The following PCDHGA8 variants were observed in gnomAD, a reference collection of about 807,000 sequenced individuals.
PCDHGA8 encodes the protein protocadherin gamma subfamily A, 8, also known as protocadherin gamma-A8.
In PCDHGA8, 45 loss-of-function variants were observed where a neutral mutation model predicts 59.2. The ratio of observed to expected loss-of-function variants is 0.76; its 90% CI spans 0.60 to 0.98. The LOEUF is 0.98. Among genes scored for constraint, PCDHGA8 ranks in the 50% least tolerant of loss-of-function variants. The probability of loss-of-function intolerance (pLI) is 0.00; values close to 1 mark genes in which losing one functional copy is unlikely to be tolerated. For synonymous variants in PCDHGA8, 531 were observed against 519.0 expected, an observed-to-expected ratio of 1.02 and a Z score of -0.32; for missense variants, 1,257 against 1,196.2, an observed-to-expected ratio of 1.05 and a Z score of -0.75.
Position 141,422,144 on chromosome 5 carries a change from G to A in PCDHGA8, c.2424+26907G>A, listed in dbSNP as rs748208921. On this transcript the variant is annotated intron_variant, in intron 1 of 3. Transcript: ENST00000398604. Reference sequence around the variant, plus strand: ...CAAACTGGAGAAGTTCAAGTACGGGGGTCTCTGGATTTTGAAAAATATAGA... The same window carrying A: ...CAAACTGGAGAAGTTCAAGTACGGGAGTCTCTGGATTTTGAAAAATATAGA... 1.9e-6 allele frequency: 3 copies of A among 1,583,402 alleles called. No individual in the cohort carries two copies. In the African/African-American group the frequency reaches 4.1e-5, roughly 22 times the overall value.
intron 1 of PCDHGA8, among the ~76,000 whole-genome samples, chr5:141,458,829 C>T (rs2098954599): frequency 6.6e-6 from 1 of 152,108 alleles, no homozygotes; most frequent in Non-Finnish European, 1.5e-5. Context: ...GCCTCCCAGG[C>T]TCAAGTGATC....
Position 141,400,379 on chromosome 5 carries a change from G to C in PCDHGA8, c.2424+5142G>C, listed in dbSNP as rs759135733. 3 of 1,613,922 alleles carry C rather than the reference G, an allele frequency of 1.9e-6. No homozygotes were observed. The East Asian group carries it at 6.7e-5, about 36-fold the overall frequency. ...ACTTTGCCTTATTCCTACAACCTAT[G>C]TGTTGCACATACAGGAAAGACGGAG... On this transcript the variant is annotated intron_variant, in intron 1 of 3. Coordinates refer to ENST00000398604, the MANE Select transcript of PCDHGA8 (RefSeq NM_032088.2).
In PCDHGA8 at chr5:141,408,707, G is replaced by A. The variant is rs899200128; in HGVS notation, c.2424+13470G>A. On this transcript the variant is annotated intron_variant, in intron 1 of 3. Coordinates refer to ENST00000398604, the MANE Select transcript of PCDHGA8 (RefSeq NM_032088.2). ...TGATATAAACATAAACTCAATTAAAGATTATAAGATAAACTCTAATCCTTA... is the reference window on the plus strand; with the variant it reads ...TGATATAAACATAAACTCAATTAAAAATTATAAGATAAACTCTAATCCTTA... 1.9e-6 allele frequency: 3 copies of A among 1,612,764 alleles called. No homozygotes were observed. In the African/African-American group the frequency reaches 4.0e-5, roughly 22 times the overall value.
chr5:141,415,906 A>G, intron 1 of PCDHGA8: 1 of 784,990 alleles, frequency 1.3e-6, no homozygotes, highest in Non-Finnish European at 1.8e-6. Context: ...ACAGACTTCC[A>G]TACAGAAGTG....
chr5:141,418,273 A>G (rs1440274831), intron 1 of PCDHGA8: 2 of 1,614,082 alleles, frequency 1.2e-6, no homozygotes, highest in Non-Finnish European at 8.5e-7. Flanking sequence ...AAGATGAAAT[A>G]AACTTAGAAA....
At position 141,473,164 on chromosome 5, in the gene PCDHGA8, G is replaced by A. The variant is rs190029663; in HGVS notation, c.2425-21643G>A. Among the ~76,000 whole-genome samples the A allele has an allele frequency of 1.6e-3, 241 of 152,250 alleles. 5 individuals carry two copies. The highest frequency in any genetic ancestry group is 2.1e-4 in the Non-Finnish European group (14 of 68,014). ...TCTTCAGATCACTAGGGCTAGGAAG[G>A]CCCACTGGTAACTTGAAGGAGTAAA... On this transcript the variant is annotated intron_variant, in intron 1 of 3. Transcript: ENST00000398604.
At chr5:141,498,248 G>A (rs1484987588) in intron 2 of PCDHGA8, among the ~76,000 whole-genome samples, 2 of 152,208 alleles carry the variant, frequency 1.3e-5, no homozygotes, top group Non-Finnish European at 2.9e-5. Flanking sequence ...CTTCAAAGCA[G>A]GGCTGGTGTT....
chr5:141,410,629 C>A (rs1393614526), intron 1 of PCDHGA8: 1 of 1,601,482 alleles, frequency 6.2e-7, no homozygotes, highest in East Asian at 2.2e-5. Context: ...CGGTGAGTTT[C>A]TCTTTTTTGT....
chr5:141,441,310 C>T (rs2098239133), intron 1 of PCDHGA8: 1 of 152,154 alleles, frequency 6.6e-6, no homozygotes, highest in Non-Finnish European at 1.5e-5. Context: ...AGAAAATGCA[C>T]CTTGAGAAAA....
chr5:141,425,528 C>T (rs2096881702), intron 1 of PCDHGA8, among the ~76,000 whole-genome samples: 1 of 152,200 alleles, frequency 6.6e-6, no homozygotes, highest in African/African-American at 2.4e-5. Context: ...AAACATGAAA[C>T]AATAATCCTT....
rs1450931785 is a variant in PCDHGA8, at chr5:141,394,500, C to A, written c.1687C>A (p.Leu563Met). The stretch of plus-strand genomic sequence containing the variant: ...CCAGAATGACAACGCGCCCGAGATC[C>A]TGTACCCCGCCCTCCCCACAGACGG... ...LDQNDNAPEI[L>M]YPALPTDGST... The change falls in exon 1 of 4, where the codon CTG (leucine) becomes ATG (methionine). Residue 563 changes from leucine (L) to methionine (M), a missense_variant. Transcript: ENST00000398604. 3.7e-6 allele frequency: 6 copies of A among 1,614,124 alleles called. No homozygotes were observed. The highest frequency in any genetic ancestry group is 5.1e-6 in the Non-Finnish European group (6 of 1,180,052).
At position 141,487,565 on chromosome 5, in the gene PCDHGA8, G is replaced by A. The variant is rs1473034794; in HGVS notation, c.2425-7242G>A. ...GTCACCCAGTGCACCTATGGCAGGGGAGCCTGTTCGCCCAAGCTGCCCACC... is the reference window on the plus strand; with the variant it reads ...GTCACCCAGTGCACCTATGGCAGGGAAGCCTGTTCGCCCAAGCTGCCCACC... On this transcript the variant is annotated intron_variant, in intron 1 of 3. Transcript: ENST00000398604. This position sits in a 1 kb window ranked among gnomAD's most constrained non-coding sequence, Gnocchi z 5.0. The A allele has an allele frequency of 6.2e-7, 1 of 1,614,164 alleles. No individual in the cohort carries two copies. Among genetic ancestry groups the A allele is most frequent in the East Asian group, 2.2e-5 (1 of 44,856 alleles).
chr5:141,451,797 C>T (rs1207473455), intron 1 of PCDHGA8, among the ~76,000 whole-genome samples: 1 of 152,006 alleles, frequency 6.6e-6, no homozygotes, highest in African/African-American at 2.4e-5. Context: ...CAGAGAATTG[C>T]TTGAACCCAG....
At chr5:141,501,290 TACAC>T (rs55762287) in intron 2 of PCDHGA8, among the ~76,000 whole-genome samples, 45,565 of 135,778 alleles carry the variant, frequency 0.34, 7,845 homozygotes, top group Non-Finnish European at 0.42. Flanking sequence ...TATTCCCTTA[TACAC>T]ACACACACAC....
In PCDHGA8 at chr5:141,394,519, C is replaced by A. The variant is rs1462431722; in HGVS notation, c.1706C>A (p.Thr569Lys). The A allele has an allele frequency of 6.2e-7, 1 of 1,614,240 alleles. No individual in the cohort carries two copies. The highest frequency in any genetic ancestry group is 1.1e-5 in the South Asian group (1 of 91,092). ...APEILYPALP[T>K]DGSTGVELAP... ...GAGATCCTGTACCCCGCCCTCCCCA[C>A]AGACGGTTCCACTGGCGTGGAGCTG... The change falls in exon 1 of 4, where the codon ACA becomes AAA. Residue 569 changes from threonine to lysine, a missense_variant. By Grantham distance (78) the Thr-to-Lys change is moderately conservative. Transcript: ENST00000398604.
chr5:141,462,372 C>A (rs2099038225), intron 1 of PCDHGA8, among the ~76,000 whole-genome samples: 1 of 152,096 alleles, frequency 6.6e-6, no homozygotes, highest in African/African-American at 2.4e-5. Flanking sequence ...AGTTTCTATT[C>A]TTTTAAATTC....
intron 1 of PCDHGA8, chr5:141,420,295 T>G (rs1282298065): frequency 6.8e-7 from 1 of 1,466,506 alleles, no homozygotes; most frequent in East Asian, 2.3e-5. Flanking sequence ...AAAAATGTAT[T>G]TAATCCTTTT....
At position 141,453,908 on chromosome 5, in the gene PCDHGA8, A is replaced by T. The variant is rs1198219869; in HGVS notation, c.2425-40899A>T. On this transcript the variant is annotated intron_variant, in intron 1 of 3. Transcript: ENST00000398604. ...CCAATCACATGACTTCTTTCAAAGT[A>T]TGTCAGTGATCAGTCACTGTGTGCC... Among the ~76,000 whole-genome samples, 4 of 152,242 alleles carry T rather than the reference A, an allele frequency of 2.6e-5. No homozygotes were observed. The East Asian group carries it at 5.8e-4, about 22-fold the overall frequency.
intron 1 of PCDHGA8, chr5:141,421,478 G>C: frequency 6.2e-7 from 1 of 1,614,130 alleles, no homozygotes. Context: ...CGAAGCGGCA[G>C]CTTGATCACG....
Sources: allele counts gnomAD v4.1 joint callset (sites outside exome capture counted in the v4.1 genomes callset), GRCh38; gene constraint gnomAD v4.1.1; non-coding constraint Gnocchi (gnomAD v3.1); transcripts MANE v1.5; gene names NCBI Gene and HGNC (gene_info 2026-07-23, HGNC 2026-07-21).